The following MDGA2 variants were observed in gnomAD, a reference collection of about 807,000 sequenced individuals.
The protein encoded by MDGA2 is MAM domain-containing glycosylphosphatidylinositol anchor protein 2.
Under a neutral mutation model 117.8 loss-of-function variants are expected in MDGA2, and 40 were observed. That is an observed-to-expected ratio of 0.34 (90% CI 0.26 to 0.44). The LOEUF is 0.44. MDGA2 is among the 20% of genes least tolerant of loss of function. The pLI, the probability that MDGA2 is intolerant of heterozygous loss-of-function variation, is 1.00. For missense variants in MDGA2, 1,123 were observed against 1,250.6 expected, an observed-to-expected ratio of 0.90 and a Z score of 1.54; for synonymous variants, 452 against 439.0, an observed-to-expected ratio of 1.03 and a Z score of -0.37.
chr14:47,612,028 T>A (rs556367620), intron 1 of MDGA2, among the ~76,000 whole-genome samples: 69 of 152,260 alleles, frequency 4.5e-4, no homozygotes, highest in Non-Finnish European at 8.1e-4. Context: ...AAAAAATTAT[T>A]TGGGACTCAA....
intron 1 of MDGA2, among the ~76,000 whole-genome samples, chr14:47,465,551 T>C (rs1401548277): frequency 2.0e-5 from 3 of 152,028 alleles, no homozygotes; most frequent in Non-Finnish European, 2.9e-5. Flanking sequence ...AAAGAAGACA[T>C]ACATGTGGCC....
chr14:47,230,946 G>A (rs182586511), intron 2 of MDGA2, among the ~76,000 whole-genome samples: 4 of 151,950 alleles, frequency 2.6e-5, no homozygotes, highest in East Asian at 1.9e-4. Context: ...GTTAAATATT[G>A]CAAGGATTTA....
intron 1 of MDGA2, among the ~76,000 whole-genome samples, chr14:47,506,923 G>C (rs369346280): frequency 2.0e-5 from 3 of 150,656 alleles, no homozygotes; most frequent in South Asian, 4.2e-4. Context: ...GCCAGCGTGA[G>C]TTTAGACTTT....
At chr14:47,203,625 G>C (rs1026365260) in intron 3 of MDGA2, among the ~76,000 whole-genome samples, 1 of 151,942 alleles carries the variant, frequency 6.6e-6, no homozygotes, top group Non-Finnish European at 1.5e-5. Flanking sequence ...GCCCAAGCAA[G>C]ATTGCACAGT....
intron 3 of MDGA2, among the ~76,000 whole-genome samples, chr14:47,155,539 C>T (rs1230000605): frequency 6.6e-6 from 1 of 152,134 alleles, no homozygotes; most frequent in African/African-American, 2.4e-5. Context: ...AGTACGCCTG[C>T]TCCAGCTGCG....
intron 3 of MDGA2, among the ~76,000 whole-genome samples, chr14:47,145,207 A>T (rs1279044848): frequency 6.6e-6 from 1 of 152,122 alleles, no homozygotes; most frequent in Non-Finnish European, 1.5e-5. Context: ...CTAAAGAAAG[A>T]CTGTACAGTA....
At chr14:47,292,777 T>C (rs1888934380) in intron 2 of MDGA2, among the ~76,000 whole-genome samples, 1 of 152,106 alleles carries the variant, frequency 6.6e-6, no homozygotes, top group South Asian at 2.1e-4. Context: ...TAGCGGAAAA[T>C]GCCTACTTCC....
At chr14:46,985,797 T>C (rs1328755733) in intron 8 of MDGA2, among the ~76,000 whole-genome samples, 1 of 152,052 alleles carries the variant, frequency 6.6e-6, no homozygotes, top group Non-Finnish European at 1.5e-5. Flanking sequence ...CTTACATAAT[T>C]TCAATGAACA....
chr14:47,078,506 A>G (rs746218954), intron 6 of MDGA2, among the ~76,000 whole-genome samples: 1 of 152,148 alleles, frequency 6.6e-6, no homozygotes, highest in Admixed American at 6.5e-5. Flanking sequence ...GAAAATATCC[A>G]TATCAAATTT....
chr14:47,345,932 G>A (rs1211135052), intron 1 of MDGA2, among the ~76,000 whole-genome samples: 2 of 152,026 alleles, frequency 1.3e-5, no homozygotes, highest in Non-Finnish European at 1.5e-5. Flanking sequence ...TAAAGGTTGG[G>A]AAGGGAAGAG....
intron 1 of MDGA2, among the ~76,000 whole-genome samples, chr14:47,516,947 A>G (rs772392909): frequency 3.3e-5 from 5 of 152,186 alleles, no homozygotes; most frequent in African/African-American, 1.2e-4. Context: ...AAAAAAGTGG[A>G]CACTTTATTG....
chr14:47,196,342 G>A (rs1157590120), intron 3 of MDGA2, among the ~76,000 whole-genome samples: 1 of 152,082 alleles, frequency 6.6e-6, no homozygotes. Context: ...CTGGGATGAA[G>A]AAATCATTAT....
In MDGA2 at chr14:47,097,112, T is replaced by A. The variant is rs534336285; in HGVS notation, c.937A>T (p.Ile313Phe). The A allele has an allele frequency of 3.1e-6, 5 of 1,612,246 alleles. No homozygotes were observed. Among genetic ancestry groups the A allele is most frequent in the Non-Finnish European group, 4.2e-6 (5 of 1,178,736 alleles). ...RLSNKTASPS[I>F]KLLVDDPIVV... ...ATAGGATCATCCACCAAGAGTTTAA[T>A]TGACGGTGATGCTAAAAGACATAAA... Residue 313 changes from isoleucine (I) to phenylalanine (F), a missense_variant, in exon 6 of 17, where the codon ATT (isoleucine) becomes TTT (phenylalanine). Ile to Phe is a conservative substitution (Grantham distance 21, BLOSUM62 0). Transcript: ENST00000399232.
chr14:47,108,687 G>A (rs891029418), intron 5 of MDGA2, among the ~76,000 whole-genome samples: 1 of 152,042 alleles, frequency 6.6e-6, no homozygotes, highest in Non-Finnish European at 1.5e-5. Flanking sequence ...GACTCAGCCC[G>A]CCTGCACCCA....
rs1594918273 is a variant in MDGA2, at chr14:47,561,171, G to GTTTTTTTTTTTTTTTTTTTTTTT, written c.280+113345_280+113346insAAAAAAAAAAAAAAAAAAAAAAA. Among the ~76,000 whole-genome samples, 10 of 68,472 alleles carry GTTTTTTTTTTTTTTTTTTTTTTT rather than the reference G, an allele frequency of 1.5e-4. No individual in the cohort carries two copies. The East Asian group carries it at 3.0e-3, about 20-fold the overall frequency. 44.9% of individuals were successfully genotyped at this position (68,472 alleles called of 152,430 possible). A position where few individuals can be genotyped will look rare whatever the true frequency, so the allele number is the denominator to read the frequency against. On this transcript the variant is annotated intron_variant, in intron 1 of 16. Transcript: ENST00000399232. ...TTTTTTTGTTTTGTTTTGTTTTTTT[G>GTTTTTTTTTTTTTTTTTTTTTTT]TTTGTTTGTTTTTTTTTGCTTAGGA...
chr14:46,896,229 C>T (rs559306973), intron 10 of MDGA2, among the ~76,000 whole-genome samples: 3 of 152,024 alleles, frequency 2.0e-5, no homozygotes, highest in African/African-American at 4.8e-5. Context: ...ACTGATGTAC[C>T]ATAGCTTTAA....
intron 1 of MDGA2, among the ~76,000 whole-genome samples, chr14:47,326,415 T>A (rs1191439941): frequency 1.3e-5 from 2 of 152,040 alleles, no homozygotes; most frequent in African/African-American, 4.8e-5. Context: ...TTGCCCAGGG[T>A]CACAAAGGGA....
At chr14:47,049,984 C>G (rs922248560) in intron 7 of MDGA2, among the ~76,000 whole-genome samples, 1 of 151,976 alleles carries the variant, frequency 6.6e-6, no homozygotes, top group African/African-American at 2.4e-5. Flanking sequence ...CAGGACTTGC[C>G]AGGCTCCAAT....
downstream of MDGA2, among the ~76,000 whole-genome samples, chr14:46,839,850 A>T (rs77928577): frequency 6.9e-3 from 1,048 of 152,054 alleles, 15 homozygotes; most frequent in African/African-American, 0.023. Context: ...ACTGACTGAA[A>T]ATAGACATTA....
Sources: gnomAD v4.1 joint callset for allele counts (sites outside exome capture counted in the v4.1 genomes callset) on GRCh38, gnomAD v4.1.1 for gene constraint, MANE v1.5 for transcripts, NCBI Gene and HGNC (gene_info 2026-07-23, HGNC 2026-07-21) for gene names.